Variants in RBPMS2 observed in about 807,000 individuals in gnomAD.
The protein encoded by RBPMS2 is RNA binding protein, mRNA processing factor 2, also known as RNA-binding protein with multiple splicing 2.
A neutral mutation model predicts 25.7 loss-of-function variants in RBPMS2; 14 were observed. The ratio of observed to expected loss-of-function variants is 0.55; its 90% CI spans 0.36 to 0.85. The LOEUF (loss-of-function observed/expected upper bound fraction) is 0.85. Among genes scored for constraint, RBPMS2 ranks in the 40% least tolerant of loss-of-function variants. The pLI is 0.01. For missense variants in RBPMS2, 252 were observed against 283.4 expected, an observed-to-expected ratio of 0.89 and a Z score of 0.80; for synonymous variants, 127 against 115.6, an observed-to-expected ratio of 1.10 and a Z score of -0.63.
intron 1 of RBPMS2, among the ~76,000 whole-genome samples, chr15:64,774,919 G>T (rs2083919053): frequency 6.6e-6 from 1 of 151,376 alleles, no homozygotes. Flanking sequence ...GGAGCAAGGG[G>T]CGCGCGGGCG....
chr15:64,763,718 G>C (rs1359986383), intron 1 of RBPMS2, among the ~76,000 whole-genome samples: 2 of 151,954 alleles, frequency 1.3e-5, no homozygotes, highest in Admixed American at 6.6e-5. Context: ...GCCAGTGGCA[G>C]AGCTGAGGCT....
At chr15:64,774,505 G>A (rs555125355) in intron 1 of RBPMS2, among the ~76,000 whole-genome samples, 6 of 152,120 alleles carry the variant, frequency 3.9e-5, no homozygotes, top group Non-Finnish European at 8.8e-5. Flanking sequence ...GCACATGGCC[G>A]GTGGACGAGA....
At chr15:64,755,801 G>GCCGCCCAACACCTGCTTCCATCAAGC in intron 1 of RBPMS2, among the ~76,000 whole-genome samples, 2 of 152,140 alleles carry the variant, frequency 1.3e-5, no homozygotes, top group Non-Finnish European at 2.9e-5. Context: ...AGGTTCCAAA[G>GCCGCCCAACACCTGCTTCCATCAAGC]CCGCCCAACA....
intron 1 of RBPMS2, among the ~76,000 whole-genome samples, chr15:64,772,727 C>T (rs2083901202): frequency 1.3e-5 from 2 of 152,130 alleles, no homozygotes; most frequent in Admixed American, 1.3e-4. Flanking sequence ...GAAGGCTGAC[C>T]TCTAATCTCT....
At chr15:64,763,966 C>T (rs983429078) in intron 1 of RBPMS2, among the ~76,000 whole-genome samples, 1 of 152,216 alleles carries the variant, frequency 6.6e-6, no homozygotes, top group Non-Finnish European at 1.5e-5. Context: ...TGGGAACACA[C>T]CTGGTCAAAG....
Position 64,765,478 on chromosome 15 carries a change from C to T in RBPMS2, c.87+9755G>A, listed in dbSNP as rs187966586. Among the ~76,000 whole-genome samples the T allele has an allele frequency of 5.8e-4, 88 of 151,530 alleles. 1 individual carries two copies. Among genetic ancestry groups the T allele is most frequent in the South Asian group, 1.0e-3 (5 of 4,778 alleles). On this transcript the variant is annotated intron_variant, in intron 1 of 7. Transcript: ENST00000300069. ...CCAGTGGTCTCAGCTACTCAGGAGG[C>T]TGAAGCTGGGGGATTGCTTGAGCCC...
At chr15:64,753,540 C>T (rs1434478604) in intron 1 of RBPMS2, among the ~76,000 whole-genome samples, 3 of 152,194 alleles carry the variant, frequency 2.0e-5, no homozygotes, top group African/African-American at 4.8e-5. Context: ...TGTCACCACT[C>T]CCACCCACGC....
chr15:64,753,118 C>T (rs1328488498), intron 1 of RBPMS2, among the ~76,000 whole-genome samples: 3 of 151,992 alleles, frequency 2.0e-5, no homozygotes, highest in South Asian at 2.1e-4. Context: ...TTTTTGAAAC[C>T]GTGGCTTCCT....
Position 64,754,322 on chromosome 15 carries a change from A to G in RBPMS2, c.88-2684T>C, listed in dbSNP as rs1172122379. 2.7e-5 allele frequency among the ~76,000 whole-genome samples: 4 copies of G among 150,742 alleles called. No homozygotes were observed. In the East Asian group the frequency reaches 7.8e-4, roughly 30 times the overall value. The stretch of plus-strand genomic sequence containing the variant: ...GTGAGACTCCATCTCAGAAAAAAAG[A>G]AAAAAAAGGCTGGGCGTGGTGGCTT... On this transcript the variant is annotated intron_variant, in intron 1 of 7. Coordinates refer to ENST00000300069, the MANE Select transcript of RBPMS2 (RefSeq NM_194272.3).
chr15:64,770,987 A>C (rs1487857725), intron 1 of RBPMS2, among the ~76,000 whole-genome samples: 1 of 152,188 alleles, frequency 6.6e-6, no homozygotes, highest in African/African-American at 2.4e-5. Context: ...AAGGGCAGGG[A>C]AGGGCAAAGC....
At chr15:64,771,086 C>G (rs2083890208) in intron 1 of RBPMS2, among the ~76,000 whole-genome samples, 1 of 152,236 alleles carries the variant, frequency 6.6e-6, no homozygotes, top group African/African-American at 2.4e-5. Context: ...TTTTTTAACT[C>G]TTAAGAAACT....
intron 6 of RBPMS2, among the ~76,000 whole-genome samples, chr15:64,742,308 C>T (rs58824902): frequency 1.8e-4 from 27 of 152,350 alleles, no homozygotes; most frequent in East Asian, 5.8e-4. Flanking sequence ...CCTTCCCACC[C>T]CTGCTGTGCC....
intron 1 of RBPMS2, among the ~76,000 whole-genome samples, chr15:64,758,116 C>A (rs982162175): frequency 6.6e-6 from 1 of 152,222 alleles, no homozygotes; most frequent in African/African-American, 2.4e-5. Context: ...GAATTCAGCA[C>A]ATACACAAAA....
chr15:64,768,867 A>G (rs2141078192), intron 1 of RBPMS2, among the ~76,000 whole-genome samples: 1 of 151,268 alleles, frequency 6.6e-6, no homozygotes, highest in Admixed American at 6.6e-5. Flanking sequence ...TTGGGAGGCC[A>G]AGGTGGGTGG....
Position 64,750,442 on chromosome 15 carries a change from G to A in RBPMS2, c.166-61C>T, listed in dbSNP as rs936871468. ...GAAGCGTATGTTGTGCTAGCCCAGC[G>A]CTGCCACCTCATCAGCCCCCGCGTT... is the stretch of plus-strand genomic sequence containing the variant. On this transcript the variant is annotated intron_variant, in intron 2 of 7. Coordinates refer to ENST00000300069, the MANE Select transcript of RBPMS2 (RefSeq NM_194272.3). 46 of 1,424,490 alleles carry A rather than the reference G, an allele frequency of 3.2e-5. No individual in the cohort carries two copies. In the African/African-American group the frequency reaches 5.2e-4, roughly 16 times the overall value. 88.2% of individuals were successfully genotyped at this position (1,424,490 alleles called of 1,614,324 possible).
At chr15:64,745,002 C>T (rs575549164) in intron 6 of RBPMS2, among the ~76,000 whole-genome samples, 2 of 151,572 alleles carry the variant, frequency 1.3e-5, no homozygotes, top group East Asian at 1.9e-4. Flanking sequence ...TTTATAGAGA[C>T]GGGGTTTCAC....
chr15:64,758,876 C>G (rs1168250991), intron 1 of RBPMS2, among the ~76,000 whole-genome samples: 2 of 152,140 alleles, frequency 1.3e-5, no homozygotes, highest in Admixed American at 1.3e-4. Context: ...CTTGAGCTCT[C>G]TCCCGCCAGC....
chr15:64,751,710 G>A, intron 1 of RBPMS2, 72 bp from the exon 2 acceptor site: 1 of 1,266,072 alleles, frequency 7.9e-7, no homozygotes, highest in Non-Finnish European at 1.2e-6. Context: ...GCTTCCTTCA[G>A]GCAGGCAACT....
chr15:64,752,679 C>T (rs370442911), intron 1 of RBPMS2, among the ~76,000 whole-genome samples: 1 of 151,640 alleles, frequency 6.6e-6, no homozygotes, highest in Non-Finnish European at 1.5e-5. Flanking sequence ...GGCGCCATCT[C>T]GGCTCACTGC....
Sources: allele counts gnomAD v4.1 joint callset (sites outside exome capture counted in the v4.1 genomes callset), GRCh38; gene constraint gnomAD v4.1.1; transcripts MANE v1.5; gene names NCBI Gene and HGNC (gene_info 2026-07-23, HGNC 2026-07-21).